Variants in LRRC4C observed in about 807,000 individuals in gnomAD.
LRRC4C encodes the protein leucine-rich repeat-containing protein 4C.
A neutral mutation model predicts 33.6 loss-of-function variants in LRRC4C; 5 were observed. The ratio of observed to expected loss-of-function variants is 0.15; its 90% CI spans 0.08 to 0.31. The LOEUF (loss-of-function observed/expected upper bound fraction) is 0.31, where lower values mean the gene tolerates loss of function less well. LRRC4C is among the 10% of genes least tolerant of loss of function. The pLI, the probability that LRRC4C is intolerant of heterozygous loss-of-function variation, is 1.00. For missense variants in LRRC4C, 560 were observed against 796.7 expected (o/e 0.70, Z 3.58); for synonymous variants, 329 against 302.0 (o/e 1.09, Z -0.93).
At chr11:40,862,591 C>A (rs61886580) in intron 2 of LRRC4C, among the ~76,000 whole-genome samples, 6,205 of 152,186 alleles carry the variant, frequency 0.041, 248 homozygotes, top group African/African-American at 0.1. Context: ...GGGATAGAAA[C>A]ACAAAGTGTT....
Position 40,867,558 on chromosome 11 carries a change from G to A in LRRC4C, c.-407+66077C>T, listed in dbSNP as rs114225314. Among the ~76,000 whole-genome samples, 971 of 152,178 alleles carry A rather than the reference G, an allele frequency of 6.4e-3. 11 individuals carry two copies. The highest frequency in any genetic ancestry group is 0.022 in the African/African-American group (899 of 41,516). On this transcript the variant is annotated intron_variant, in intron 2 of 6. Transcript: ENST00000528697. Reference sequence around the variant, plus strand: ...AAAAGTAGAAATAAATCAATTGGGGGGAAAAAAGAAGCAAGTTCTCTTGCT... The same window carrying A: ...AAAAGTAGAAATAAATCAATTGGGGAGAAAAAAGAAGCAAGTTCTCTTGCT...
At chr11:40,499,282 A>C (rs900773358) in intron 3 of LRRC4C, among the ~76,000 whole-genome samples, 2 of 152,138 alleles carry the variant, frequency 1.3e-5, no homozygotes, top group Non-Finnish European at 2.9e-5. Context: ...GAACTTGTAC[A>C]ACTTCCATAT....
At chr11:40,964,269 C>T (rs959670688) in intron 1 of LRRC4C, among the ~76,000 whole-genome samples, 6 of 151,488 alleles carry the variant, frequency 4.0e-5, no homozygotes, top group Non-Finnish European at 7.4e-5. Flanking sequence ...CGCTGAAAAG[C>T]TGCAAGTGGC....
chr11:40,186,230 T>C (rs903445911), intron 5 of LRRC4C, among the ~76,000 whole-genome samples: 2 of 152,198 alleles, frequency 1.3e-5, no homozygotes, highest in African/African-American at 2.4e-5. Context: ...GAGTCTACAA[T>C]GTGGTAGGAC....
At chr11:40,341,197 T>G (rs1313943353) in intron 3 of LRRC4C, among the ~76,000 whole-genome samples, 1 of 152,200 alleles carries the variant, frequency 6.6e-6, no homozygotes, top group Non-Finnish European at 1.5e-5. Flanking sequence ...TTGCAATAGT[T>G]TGCTGAGAAT....
At chr11:40,505,525 T>A (rs1954990762) in intron 3 of LRRC4C, among the ~76,000 whole-genome samples, 2 of 152,192 alleles carry the variant, frequency 1.3e-5, no homozygotes, top group African/African-American at 2.4e-5. Flanking sequence ...ACTTTGAGAA[T>A]GAACACCCAC....
chr11:41,061,315 T>G (rs1282448155), intron 1 of LRRC4C, among the ~76,000 whole-genome samples: 1 of 152,142 alleles, frequency 6.6e-6, no homozygotes, highest in African/African-American at 2.4e-5. Context: ...AGAAGCAGTT[T>G]TTATCAAAGG....
At chr11:40,275,704 A>G (rs1490564273) in intron 4 of LRRC4C, among the ~76,000 whole-genome samples, 1 of 152,184 alleles carries the variant, frequency 6.6e-6, no homozygotes, top group Non-Finnish European at 1.5e-5. Flanking sequence ...CCCCAAGTGG[A>G]GTCTATGGGG....
At chr11:41,224,205 G>C (rs1947427788) in intron 1 of LRRC4C, among the ~76,000 whole-genome samples, 1 of 152,144 alleles carries the variant, frequency 6.6e-6, no homozygotes, top group African/African-American at 2.4e-5. Flanking sequence ...CGTTTAGAGG[G>C]AATCATCTGT....
intron 2 of LRRC4C, among the ~76,000 whole-genome samples, chr11:40,787,903 T>A (rs1363939014): frequency 2.6e-5 from 4 of 152,166 alleles, no homozygotes; most frequent in African/African-American, 9.7e-5. Context: ...CCACCCCAGT[T>A]CACAGAACTC....
chr11:40,724,292 C>A (rs1487771470), intron 2 of LRRC4C, among the ~76,000 whole-genome samples: 1 of 152,154 alleles, frequency 6.6e-6, no homozygotes, highest in East Asian at 1.9e-4. Flanking sequence ...CACCCAATAA[C>A]CACAGAATAC....
At chr11:40,505,873 G>A (rs975639872) in intron 3 of LRRC4C, among the ~76,000 whole-genome samples, 3 of 149,152 alleles carry the variant, frequency 2.0e-5, no homozygotes, top group African/African-American at 7.4e-5. Flanking sequence ...ATTTATGCTG[G>A]TTGGAGGACT....
At chr11:40,725,943 A>G (rs1220374735) in intron 2 of LRRC4C, among the ~76,000 whole-genome samples, 1 of 152,160 alleles carries the variant, frequency 6.6e-6, no homozygotes, top group Non-Finnish European at 1.5e-5. Flanking sequence ...CCTGTGTTGC[A>G]GGAACAAAAT....
At chr11:41,440,718 C>T (rs185399412) in intron 1 of LRRC4C, among the ~76,000 whole-genome samples, 1 of 152,112 alleles carries the variant, frequency 6.6e-6, no homozygotes, top group Non-Finnish European at 1.5e-5. Flanking sequence ...GGCGGATTTC[C>T]CCCTTGCTGT....
At chr11:41,076,949 A>AG (rs1190657658) in intron 1 of LRRC4C, among the ~76,000 whole-genome samples, 8 of 152,314 alleles carry the variant, frequency 5.3e-5, no homozygotes, top group Non-Finnish European at 1.2e-4. Flanking sequence ...TGGCCAAAAA[A>AG]GGGGGGTCAC....
At chr11:41,383,565 T>C (rs1001473828) in intron 1 of LRRC4C, among the ~76,000 whole-genome samples, 1 of 151,768 alleles carries the variant, frequency 6.6e-6, no homozygotes, top group African/African-American at 2.4e-5. Context: ...AAAAACAGAG[T>C]ACATAAAATC....
At chr11:40,432,861 T>C (rs886789665) in intron 3 of LRRC4C, among the ~76,000 whole-genome samples, 34 of 152,172 alleles carry the variant, frequency 2.2e-4, no homozygotes, top group African/African-American at 7.5e-4. Context: ...AGTTATTATT[T>C]TCCCAAGAGA....
At chr11:40,843,496 T>C (rs998546321) in intron 2 of LRRC4C, among the ~76,000 whole-genome samples, 1 of 152,114 alleles carries the variant, frequency 6.6e-6, no homozygotes, top group African/African-American at 2.4e-5. Context: ...ATGTCTCAAG[T>C]TTGGATTTTC....
rs760845471 is a variant in LRRC4C at position 40,613,889 on chromosome 11, T to A, written c.-270+34253A>T. Among the ~76,000 whole-genome samples, 50 of 151,966 alleles carry A rather than the reference T, an allele frequency of 3.3e-4. 1 individual carries two copies. Among genetic ancestry groups the A allele is most frequent in the African/African-American group, 8.4e-4 (35 of 41,528 alleles). ...AATGGTGATTTTTTGAAATAAATCT[T>A]TTTTTCTGATCAGTAGGTCTCAACA... On this transcript the variant is annotated intron_variant, in intron 3 of 6. Coordinates refer to ENST00000528697, the MANE Select transcript of LRRC4C (RefSeq NM_001258419.2).
Sources: allele counts gnomAD v4.1 joint callset (sites outside exome capture counted in the v4.1 genomes callset), GRCh38; gene constraint gnomAD v4.1.1; transcripts MANE v1.5; gene names NCBI Gene and HGNC (gene_info 2026-07-23, HGNC 2026-07-21).